JAK1: variants seen among roughly 807,000 people sequenced by gnomAD.
The protein encoded by JAK1 is tyrosine-protein kinase JAK1.
JAK1 carries 16 observed loss-of-function variants against 136.6 expected under a neutral mutation model. That is an observed-to-expected ratio of 0.12 (90% CI 0.08 to 0.18). The LOEUF (loss-of-function observed/expected upper bound fraction) is 0.18. Ranked by LOEUF, JAK1 falls within the 10% of genes least tolerant of loss-of-function variation. JAK1 has a pLI of 1.00. For synonymous variants in JAK1, 492 were observed against 519.5 expected (o/e 0.95, Z 0.72); for missense variants, 859 against 1,450.1 (o/e 0.59, Z 6.62).
intron 1 of JAK1, among the ~76,000 whole-genome samples, chr1:65,065,312 A>G (rs951805173): frequency 2.0e-5 from 3 of 152,172 alleles, no homozygotes; most frequent in Admixed American, 6.5e-5. Context: ...CCTTTATAGA[A>G]TATCAGCTAT....
At chr1:64,846,866 T>C (rs1297514351) in intron 13 of JAK1, 130 bp from the exon 14 acceptor site, 3 of 674,174 alleles carry the variant, frequency 4.4e-6, no homozygotes, top group Non-Finnish European at 7.9e-6. Context: ...GCCCTGAACA[T>C]CAATCCTCTG....
At chr1:64,837,892 T>C (rs758175438) in intron 22 of JAK1, 40 bp downstream of exon 22, 2 of 1,563,458 alleles carry the variant, frequency 1.3e-6, no homozygotes, top group African/African-American at 1.4e-5. Flanking sequence ...GTGTAAACTC[T>C]ATGAAGCATT....
intron 1 of JAK1, among the ~76,000 whole-genome samples, chr1:64,938,318 T>A (rs565164130): frequency 1.3e-5 from 2 of 152,340 alleles, no homozygotes; most frequent in South Asian, 4.1e-4. Context: ...TTCAGTCCAC[T>A]ATAATAGAAA....
chr1:65,000,202 T>C (rs1646742042), intron 2 of JAK1, among the ~76,000 whole-genome samples: 1 of 152,120 alleles, frequency 6.6e-6, no homozygotes, highest in African/African-American at 2.4e-5. Flanking sequence ...TTGGGCAGGA[T>C]GGTCTTGATC....
At chr1:65,051,848 T>C (rs1249292263) in intron 1 of JAK1, among the ~76,000 whole-genome samples, 1 of 152,248 alleles carries the variant, frequency 6.6e-6, no homozygotes, top group Non-Finnish European at 1.5e-5. Flanking sequence ...CTTACTTTAC[T>C]CCATTTCAAT....
rs1654299761 is a variant in JAK1 at position 64,833,879 on chromosome 1, C to A, written c.*683G>T. 8.6e-6 allele frequency: 2 copies of A among 232,668 alleles called. No homozygotes were observed. Among genetic ancestry groups the A allele is most frequent in the Non-Finnish European group, 1.7e-5 (2 of 117,758 alleles). The allele number at this position is 232,668 out of a possible 1,614,324, so 14.4% of individuals were successfully genotyped here. A position where few individuals can be genotyped will look rare whatever the true frequency, so the allele number is the denominator to read the frequency against. On this transcript the variant is annotated 3_prime_UTR_variant, in exon 25 of 25. Coordinates refer to ENST00000342505, the MANE Select transcript of JAK1 (RefSeq NM_002227.4). ...GGCTTAGTTCTTGAGAATTAACATG[C>A]AGCAAATTATCTATTCCACAGCTAT...
chr1:64,988,793 G>C (rs1646623859), intron 2 of JAK1, among the ~76,000 whole-genome samples: 1 of 151,920 alleles, frequency 6.6e-6, no homozygotes, highest in African/African-American at 2.4e-5. Context: ...GGAGGCTGAA[G>C]TGGGAGGATC....
intron 3 of JAK1, 40 bp downstream of exon 3, chr1:64,883,237 T>C: frequency 3.2e-6 from 5 of 1,539,774 alleles, no homozygotes; most frequent in Admixed American, 1.9e-5. Flanking sequence ...AACTAGTGTG[T>C]TGGTGAAACC....
At chr1:65,027,086 G>T (rs1445388688) in intron 2 of JAK1, among the ~76,000 whole-genome samples, 2 of 151,694 alleles carry the variant, frequency 1.3e-5, no homozygotes, top group Non-Finnish European at 2.9e-5. Flanking sequence ...TCACTCTGTT[G>T]CCCAGGCTGG....
At chr1:64,989,002 G>GTATATATATATATATATA (rs57569640) in intron 2 of JAK1, among the ~76,000 whole-genome samples, 6 of 129,236 alleles carry the variant, frequency 4.6e-5, no homozygotes, top group Admixed American at 8.4e-5. Flanking sequence ...GTGTGTGTGT[G>GTATATATATATATATATA]TATATATATA....
intron 1 of JAK1, among the ~76,000 whole-genome samples, chr1:64,942,894 A>T (rs1423508018): frequency 6.6e-6 from 1 of 152,188 alleles, no homozygotes; most frequent in Non-Finnish European, 1.5e-5. Context: ...TTTTTAAAAA[A>T]AGAAAAAGGC....
At chr1:64,842,739 C>T (rs1654984196) in intron 17 of JAK1, among the ~76,000 whole-genome samples, 1 of 152,110 alleles carries the variant, frequency 6.6e-6, no homozygotes, top group Non-Finnish European at 1.5e-5. Flanking sequence ...GTTTCATTTC[C>T]AAGGATCCAA....
intron 2 of JAK1, chr1:64,986,103 C>T (rs961937322): frequency 2.5e-6 from 2 of 792,188 alleles, no homozygotes; most frequent in Non-Finnish European, 4.0e-6. Flanking sequence ...TGGCCTCAAT[C>T]TAATTGTTTT....
intron 1 of JAK1, among the ~76,000 whole-genome samples, chr1:64,954,071 G>A (rs997535277): frequency 2.6e-5 from 4 of 152,168 alleles, no homozygotes; most frequent in Non-Finnish European, 5.9e-5. Flanking sequence ...AAAACATTAG[G>A]TTAGAAGAAA....
intron 2 of JAK1, among the ~76,000 whole-genome samples, chr1:64,975,791 C>G (rs1180151418): frequency 6.6e-6 from 1 of 152,174 alleles, no homozygotes; most frequent in Non-Finnish European, 1.5e-5. Flanking sequence ...AGGAAACGCC[C>G]AAGGAGATCT....
intron 1 of JAK1, among the ~76,000 whole-genome samples, chr1:64,915,372 T>C (rs1288382854): frequency 6.6e-6 from 1 of 152,090 alleles, no homozygotes; most frequent in Non-Finnish European, 1.5e-5. Context: ...CCACAAATAC[T>C]GAATCCCAAG....
intron 1 of JAK1, among the ~76,000 whole-genome samples, chr1:65,062,508 A>C (rs764141087): frequency 3.3e-5 from 5 of 151,720 alleles, no homozygotes; most frequent in Non-Finnish European, 7.3e-5. Flanking sequence ...AATACCAAAG[A>C]CTTGCAATGA....
rs1646922983 is a variant in JAK1 at position 65,019,920 on chromosome 1, A to T, written c.-78+24560T>A. The stretch of plus-strand genomic sequence containing the variant: ...GACAGAGCGAGACTCTGTCTCAAAA[A>T]AAAAAGAAGAAGAAGAAGAAGAAGG... On this transcript the variant is annotated intron_variant, in intron 2 of 25. Transcript: ENST00000671954. Among the ~76,000 whole-genome samples the T allele has an allele frequency of 2.7e-5, 4 of 150,504 alleles. No individual in the cohort carries two copies. In the South Asian group the frequency reaches 8.4e-4, roughly 32 times the overall value.
chr1:65,067,263 G>A (rs1648097630), intron 1 of JAK1, among the ~76,000 whole-genome samples: 1 of 150,384 alleles, frequency 6.6e-6, no homozygotes, highest in Non-Finnish European at 1.5e-5. Flanking sequence ...GCGCGCCCTC[G>A]GCCCCCGGCG....
Sources: gnomAD v4.1 joint callset for allele counts (sites outside exome capture counted in the v4.1 genomes callset) on GRCh38, gnomAD v4.1.1 for gene constraint, MANE v1.5 for transcripts, NCBI Gene and HGNC (gene_info 2026-07-23, HGNC 2026-07-21) for gene names.